The following RAB6A variants were observed in gnomAD, a reference collection of about 807,000 sequenced individuals.
RAB6A encodes RAB6A, member RAS oncogene family.
In RAB6A, 8 loss-of-function variants were observed where a neutral mutation model predicts 32.3. That is an observed-to-expected ratio of 0.25 (90% CI 0.15 to 0.45). RAB6A has a LOEUF of 0.45. Among genes scored for constraint, RAB6A ranks in the 20% least tolerant of loss-of-function variants. The pLI is 1.00. For missense variants in RAB6A, 104 were observed against 249.4 expected (o/e 0.42, Z 3.93); for synonymous variants, 73 against 82.1 (o/e 0.89, Z 0.60).
chr11:73,692,502 CAAAAAAAAAAAA>C (rs34201129), intron 6 of RAB6A, among the ~76,000 whole-genome samples: 4 of 56,436 alleles, frequency 7.1e-5, no homozygotes, highest in Non-Finnish European at 1.3e-4. Context: ...GACTCTGTCT[CAAAAAAAAAAAA>C]AAAAAAAAAG....
chr11:73,760,604 A>T lies in RAB6A; in HGVS notation c.32T>A (p.Leu11Gln). 4 of 1,611,650 alleles carry T rather than the reference A, an allele frequency of 2.5e-6. No individual in the cohort carries two copies. Among genetic ancestry groups the T allele is most frequent in the Non-Finnish European group, 3.4e-6 (4 of 1,178,984 alleles). MSTGGDFGNPLRKFKLVFLGE... is the reference protein window; with the variant it reads MSTGGDFGNPQRKFKLVFLGE... The stretch of plus-strand genomic sequence containing the variant: ...CAGGAACACCAGCTTGAATTTCCTC[A>T]GCGGATTCCCGAAGTCTCCGCCCGT... The change falls in exon 1 of 8, where the codon CTG becomes CAG. Residue 11 changes from leucine (L) to glutamine (Q), a missense_variant. Leu to Gln is a moderately radical substitution (Grantham distance 113, BLOSUM62 -2). Around this residue, in one of 4 missense-constraint regions of RAB6A, gnomAD observed 48 missense variants for 155.2 expected, o/e 0.31. Transcript: ENST00000336083.
At chr11:73,692,301 A>G (rs980482637) in intron 6 of RAB6A, among the ~76,000 whole-genome samples, 3 of 151,540 alleles carry the variant, frequency 2.0e-5, no homozygotes, top group African/African-American at 7.3e-5. Flanking sequence ...TCAGGAGATC[A>G]AGACCATCCT....
intron 1 of RAB6A, among the ~76,000 whole-genome samples, chr11:73,743,722 C>T (rs533856122): frequency 6.8e-4 from 103 of 152,168 alleles, no homozygotes; most frequent in Admixed American, 9.8e-4. Context: ...TTACAGAAGG[C>T]TATTCATTAT....
chr11:73,714,100 G>A (rs1946009890), intron 5 of RAB6A, among the ~76,000 whole-genome samples: 2 of 148,474 alleles, frequency 1.3e-5, no homozygotes, highest in Admixed American at 6.9e-5. Context: ...GCTGAGGCAG[G>A]AGAATCACTT....
intron 2 of RAB6A, among the ~76,000 whole-genome samples, chr11:73,724,687 C>T (rs1419442228): frequency 1.3e-5 from 2 of 152,078 alleles, no homozygotes; most frequent in South Asian, 2.1e-4. Context: ...GGGGTTTCAC[C>T]GTGTTAGCCA....
intron 2 of RAB6A, among the ~76,000 whole-genome samples, chr11:73,729,199 A>C (rs770665335): frequency 6.6e-6 from 1 of 152,132 alleles, no homozygotes; most frequent in Non-Finnish European, 1.5e-5. Flanking sequence ...CCTGGGTTCA[A>C]GCGATTCTCC....
chr11:73,734,962 C>T (rs2134980772), intron 1 of RAB6A, among the ~76,000 whole-genome samples: 1 of 152,278 alleles, frequency 6.6e-6, no homozygotes, highest in Admixed American at 6.5e-5. Flanking sequence ...GAGAAATGCT[C>T]CAATGAGCAT....
intron 5 of RAB6A, among the ~76,000 whole-genome samples, chr11:73,714,357 A>T (rs926937982): frequency 1.1e-4 from 16 of 151,678 alleles, no homozygotes; most frequent in African/African-American, 3.6e-4. Context: ...CAGATATACA[A>T]TTTTTCTATT....
chr11:73,705,803 A>AGAGAGAGAGAGAGAGAGAGAGAGAGAG (rs1945832018), intron 6 of RAB6A, among the ~76,000 whole-genome samples: 1 of 145,288 alleles, frequency 6.9e-6, no homozygotes, highest in South Asian at 2.2e-4. Flanking sequence ...AGAGAGAGAG[A>AGAGAGAGAGAGAGAGAGAGAGAGAGAG]TTTTCAATAT....
At chr11:73,720,233 T>C (rs1208689466) in intron 3 of RAB6A, among the ~76,000 whole-genome samples, 1 of 146,918 alleles carries the variant, frequency 6.8e-6, no homozygotes, top group Admixed American at 7.2e-5. Context: ...CAGGCTAGAG[T>C]GCAATGGCGC....
chr11:73,741,146 C>T (rs1329447539), intron 1 of RAB6A, among the ~76,000 whole-genome samples: 2 of 151,852 alleles, frequency 1.3e-5, no homozygotes, highest in East Asian at 1.9e-4. Context: ...ACTCCTTCCC[C>T]CCACCCCCCC....
At chr11:73,682,222 CTGGGG>C (rs1945369803) in intron 6 of RAB6A, among the ~76,000 whole-genome samples, 1 of 151,998 alleles carries the variant, frequency 6.6e-6, no homozygotes, top group African/African-American at 2.4e-5. Context: ...ACTTGGAAGC[CTGGGG>C]TGGGAAAATC....
intron 1 of RAB6A, among the ~76,000 whole-genome samples, chr11:73,749,351 G>C (rs1056402633): frequency 1.3e-5 from 2 of 152,048 alleles, no homozygotes; most frequent in African/African-American, 4.8e-5. Flanking sequence ...TGGACTTTGG[G>C]GACTCACAGG....
chr11:73,690,697 TAAA>T lies in RAB6A; in HGVS notation c.496-10980_496-10978del, dbSNP rs34099966. Among the ~76,000 whole-genome samples, 29 of 117,934 alleles carry T rather than the reference TAAA, an allele frequency of 2.5e-4. No homozygotes were observed. The East Asian group carries it at 4.6e-3, about 19-fold the overall frequency. The allele number at this position is 117,934 out of a possible 152,430, so 77.4% of individuals were successfully genotyped here. The stretch of plus-strand genomic sequence containing the variant: ...GGCTTCGAAATACCATGTAACATCT[TAAA>T]AAAAAAAAAAAAAAAAACCCAAACA... On this transcript the variant is annotated intron_variant, in intron 6 of 7. Coordinates refer to ENST00000336083, the MANE Select transcript of RAB6A (RefSeq NM_198896.2).
At chr11:73,712,994 T>C (rs1363411209) in intron 5 of RAB6A, among the ~76,000 whole-genome samples, 1 of 152,116 alleles carries the variant, frequency 6.6e-6, no homozygotes, top group Non-Finnish European at 1.5e-5. Context: ...CTGGGAGGTG[T>C]GAGCCACCAC....
At chr11:73,757,100 T>TAC (rs1211278255) in intron 1 of RAB6A, among the ~76,000 whole-genome samples, 983 of 28,138 alleles carry the variant, frequency 0.035, 14 homozygotes, top group South Asian at 0.22. Flanking sequence ...TATACATACA[T>TAC]ATATATATAT....
chr11:73,718,383 T>A (rs1946083487), intron 4 of RAB6A, among the ~76,000 whole-genome samples: 1 of 152,188 alleles, frequency 6.6e-6, no homozygotes, highest in South Asian at 2.1e-4. Flanking sequence ...AGAGGATTCA[T>A]AGTTGGACCC....
intron 6 of RAB6A, among the ~76,000 whole-genome samples, chr11:73,680,384 C>T (rs551451490): frequency 2.0e-5 from 3 of 152,258 alleles, no homozygotes; most frequent in African/African-American, 4.8e-5. Flanking sequence ...GGGCTGGACG[C>T]GGTGGCTCAC....
chr11:73,739,251 A>G (rs1159050817), intron 1 of RAB6A, among the ~76,000 whole-genome samples: 1 of 104,222 alleles, frequency 9.6e-6, no homozygotes, highest in Non-Finnish European at 1.9e-5. Context: ...AAAAAAAAAT[A>G]GTAATAATAA....
Sources: allele counts gnomAD v4.1 joint callset (sites outside exome capture counted in the v4.1 genomes callset), GRCh38; gene constraint gnomAD v4.1.1; regional missense constraint gnomAD v4.1.1; transcripts MANE v1.5; gene names NCBI Gene and HGNC (gene_info 2026-07-23, HGNC 2026-07-21).